SEMA3D: variants seen among roughly 807,000 people sequenced by gnomAD.
The protein encoded by SEMA3D is semaphorin-3D.
Under a neutral mutation model 100.1 loss-of-function variants are expected in SEMA3D, and 84 were observed. The observed-to-expected ratio is 0.84, with a 90% CI of 0.70 to 1.01. The LOEUF is 1.01. Ranked by LOEUF, SEMA3D falls within the 50% of genes least tolerant of loss-of-function variation. The pLI is 0.00. For missense variants in SEMA3D, 875 were observed against 934.1 expected (o/e 0.94, Z 0.82); for synonymous variants, 312 against 320.7 (o/e 0.97, Z 0.29).
upstream of SEMA3D, among the ~76,000 whole-genome samples, chr7:85,190,351 A>G (rs1018951470): frequency 2.0e-5 from 3 of 152,152 alleles, no homozygotes; most frequent in Admixed American, 2.0e-4. Flanking sequence ...CTTATAATAA[A>G]TATCACCTTA....
At chr7:85,129,729 G>A (rs547710115) in intron 2 of SEMA3D, among the ~76,000 whole-genome samples, 13 of 152,074 alleles carry the variant, frequency 8.5e-5, no homozygotes, top group Non-Finnish European at 1.6e-4. Flanking sequence ...GTTTTTGGAT[G>A]TATGCTGTAG....
rs1424189049 is a variant in SEMA3D, at chr7:85,018,285, T to A, written c.1512A>T (p.Ser504=). 4.4e-6 allele frequency: 7 copies of A among 1,588,858 alleles called. No homozygotes were observed. In the South Asian group the frequency reaches 7.7e-5, roughly 18 times the overall value. ...LEELQIFKHS[S]IILNMELSLK... ...GAGACAATTCCATGTTCAAGATGATTGATGAGTGCTGAAAATAGAAGTTAA... is the reference window on the plus strand; with the variant it reads ...GAGACAATTCCATGTTCAAGATGATAGATGAGTGCTGAAAATAGAAGTTAA... Residue 504 remains serine (S), a synonymous_variant, in exon 15 of 19, where the codon TCA becomes TCT. Transcript: ENST00000284136.
At chr7:85,058,078 G>A (rs1182527944) in intron 8 of SEMA3D, among the ~76,000 whole-genome samples, 1 of 152,182 alleles carries the variant, frequency 6.6e-6, no homozygotes, top group Non-Finnish European at 1.5e-5. Context: ...GGAAAAGAAA[G>A]GAGGGAAATA....
chr7:85,151,139 G>C (rs552856374), intron 2 of SEMA3D, among the ~76,000 whole-genome samples: 1 of 150,806 alleles, frequency 6.6e-6, no homozygotes, highest in South Asian at 2.1e-4. Context: ...AATTAGAGAC[G>C]TTATCTGATA....
intron 12 of SEMA3D, among the ~76,000 whole-genome samples, chr7:85,032,900 T>G (rs919477028): frequency 2.6e-5 from 4 of 152,092 alleles, no homozygotes; most frequent in African/African-American, 9.7e-5. Context: ...TCTTTCTGTC[T>G]CTATTACTGA....
chr7:84,999,953 G>A, intron 18 of SEMA3D, 88 bp from the exon 19 acceptor site: 1 of 973,378 alleles, frequency 1.0e-6, no homozygotes, highest in South Asian at 1.6e-5. Context: ...TTACTTAGAT[G>A]AATATGAAAG....
Position 85,072,951 on chromosome 7 carries a change from C to T in SEMA3D, c.495+11G>A. On this transcript the variant is annotated intron_variant, in intron 6 of 18. Coordinates refer to ENST00000284136, the MANE Select transcript of SEMA3D (RefSeq NM_001384900.1). ...ATAAATTATGCTTTTCATGCTTTTT[C>T]ATTATATTACCTCCTTGTAGACTCC... 4 of 1,581,898 alleles carry T rather than the reference C, an allele frequency of 2.5e-6. No individual in the cohort carries two copies. In the South Asian group the frequency reaches 4.6e-5, roughly 18 times the overall value.
chr7:85,219,371 C>T, the SEMA3D span, among the ~76,000 whole-genome samples: 3 of 151,790 alleles, frequency 2.0e-5, no homozygotes, highest in Non-Finnish European at 4.4e-5. Flanking sequence ...AAGTGAACAC[C>T]AATTATATTT....
chr7:85,159,335 T>C (rs529708242), intron 1 of SEMA3D, among the ~76,000 whole-genome samples: 6 of 152,292 alleles, frequency 3.9e-5, no homozygotes, highest in African/African-American at 1.4e-4. Context: ...GGACAGAATC[T>C]ACCCCTTTTT....
chr7:85,175,963 A>C (rs1791212648), intron 1 of SEMA3D, among the ~76,000 whole-genome samples: 1 of 152,146 alleles, frequency 6.6e-6, no homozygotes, highest in African/African-American at 2.4e-5. Flanking sequence ...AAATCTTGTT[A>C]ACATTTGAGA....
intron 3 of SEMA3D, among the ~76,000 whole-genome samples, chr7:85,104,804 G>GA (rs947830084): frequency 4.2e-4 from 63 of 150,948 alleles, no homozygotes; most frequent in Admixed American, 2.0e-3. Flanking sequence ...GAAAAGAAAA[G>GA]AAAAAAAATG....
At chr7:85,012,998 C>A in intron 16 of SEMA3D, 152 bp from the exon 17 acceptor site, 1 of 525,240 alleles carries the variant, frequency 1.9e-6, no homozygotes, top group South Asian at 3.0e-5. Context: ...ATCAATCTAA[C>A]ATTGATTTAA....
At chr7:85,241,058 T>C in the SEMA3D span, among the ~76,000 whole-genome samples, 1 of 151,908 alleles carries the variant, frequency 6.6e-6, no homozygotes, top group Non-Finnish European at 1.5e-5. Context: ...AACAGACATA[T>C]GAAAAAATGC....
intron 9 of SEMA3D, among the ~76,000 whole-genome samples, chr7:85,054,422 C>T (rs1177842743): frequency 6.6e-6 from 1 of 152,034 alleles, no homozygotes; most frequent in Non-Finnish European, 1.5e-5. Flanking sequence ...CTACTCCAAA[C>T]AACAGGCATT....
intron 8 of SEMA3D, among the ~76,000 whole-genome samples, chr7:85,063,147 T>G (rs1791523444): frequency 6.6e-6 from 1 of 152,196 alleles, no homozygotes; most frequent in Non-Finnish European, 1.5e-5. Flanking sequence ...CTATTGTTAA[T>G]AGATTCCATA....
chr7:85,205,594 G>A, the SEMA3D span, among the ~76,000 whole-genome samples: 2 of 151,732 alleles, frequency 1.3e-5, no homozygotes, highest in South Asian at 4.2e-4. Context: ...GAAGTGTTCA[G>A]TCTCTTGGAT....
chr7:85,223,879 C>A, the SEMA3D span, among the ~76,000 whole-genome samples: 2 of 151,466 alleles, frequency 1.3e-5, no homozygotes, highest in African/African-American at 2.4e-5. Flanking sequence ...CCGTGTAACC[C>A]CCATTCCAAA....
At chr7:85,035,646 C>A (rs893087576) in intron 12 of SEMA3D, among the ~76,000 whole-genome samples, 2 of 151,784 alleles carry the variant, frequency 1.3e-5, no homozygotes, top group African/African-American at 4.8e-5. Flanking sequence ...GAAGAATAAG[C>A]ATTAGAGATC....
intron 12 of SEMA3D, among the ~76,000 whole-genome samples, chr7:85,031,455 A>C (rs1470734441): frequency 6.6e-6 from 1 of 152,018 alleles, no homozygotes; most frequent in African/African-American, 2.4e-5. Flanking sequence ...AGAAATGGTA[A>C]GTGTAGTAAA....
Sources: allele counts gnomAD v4.1 joint callset (sites outside exome capture counted in the v4.1 genomes callset), GRCh38; gene constraint gnomAD v4.1.1; transcripts MANE v1.5; gene names NCBI Gene and HGNC (gene_info 2026-07-23, HGNC 2026-07-21).